The following CAMK1D variants were observed in gnomAD, a reference collection of about 807,000 sequenced individuals.
CAMK1D encodes calcium/calmodulin-dependent protein kinase type 1D.
In CAMK1D, 9 loss-of-function variants were observed where a neutral mutation model predicts 47.7. The observed-to-expected ratio is 0.19, with a 90% CI of 0.11 to 0.33. The LOEUF is 0.33. CAMK1D is among the 10% of genes least tolerant of loss of function. The pLI, the probability that CAMK1D is intolerant of heterozygous loss-of-function variation, is 1.00. For synonymous variants in CAMK1D, 184 were observed against 184.9 expected (o/e 0.99, Z 0.04); for missense variants, 291 against 488.7 (o/e 0.60, Z 3.81).
chr10:12,734,370 A>C lies in CAMK1D; in HGVS notation c.300-26578A>C, dbSNP rs1200020424. 2.9e-3 allele frequency among the ~76,000 whole-genome samples: 68 copies of C among 23,310 alleles called. 4 individuals carry two copies. The highest frequency in any genetic ancestry group is 0.011 in the African/African-American group (64 of 5,952). 15.3% of individuals were successfully genotyped at this position (23,310 alleles called of 152,430 possible). A position where few individuals can be genotyped will look rare whatever the true frequency, so the allele number is the denominator to read the frequency against. On this transcript the variant is annotated intron_variant, in intron 3 of 10. Coordinates refer to ENST00000619168, the MANE Select transcript of CAMK1D (RefSeq NM_153498.4). ...AATATATATATATATATATATATAT[A>C]TATATATAGATATAGATATAGATAT...
At chr10:12,708,020 G>A (rs933519021) in intron 3 of CAMK1D, among the ~76,000 whole-genome samples, 6 of 152,178 alleles carry the variant, frequency 3.9e-5, no homozygotes, top group East Asian at 1.9e-4. Context: ...AAGAGTGACC[G>A]AGGCAGCATT....
rs1371185992 is a variant in CAMK1D, at chr10:12,440,444, C to T, written c.92+90534C>T. On this transcript the variant is annotated intron_variant, in intron 1 of 10. Coordinates refer to ENST00000619168, the MANE Select transcript of CAMK1D (RefSeq NM_153498.4). Reference sequence around the variant, plus strand: ...CTGGGACTACAGGTGGACGCCACCACACCTGGCTAATTTTTGTACTTTTAG... The same window carrying T: ...CTGGGACTACAGGTGGACGCCACCATACCTGGCTAATTTTTGTACTTTTAG... 5.9e-5 allele frequency among the ~76,000 whole-genome samples: 9 copies of T among 152,092 alleles called. 1 individual carries two copies. Among genetic ancestry groups the T allele is most frequent in the African/African-American group, 1.4e-4 (6 of 41,392 alleles).
At chr10:12,510,432 A>G (rs1164919122) in intron 1 of CAMK1D, among the ~76,000 whole-genome samples, 1 of 152,176 alleles carries the variant, frequency 6.6e-6, no homozygotes, top group African/African-American at 2.4e-5. Context: ...AATAATAATA[A>G]AAGAGTGTAG....
chr10:12,790,287 T>C (rs926209177), intron 5 of CAMK1D, among the ~76,000 whole-genome samples: 3 of 152,324 alleles, frequency 2.0e-5, no homozygotes, highest in African/African-American at 7.2e-5. Context: ...GAGAAGGAAT[T>C]AGGGGCAGGC....
chr10:12,620,456 C>G (rs751399109), intron 2 of CAMK1D, among the ~76,000 whole-genome samples: 3 of 152,186 alleles, frequency 2.0e-5, no homozygotes, highest in African/African-American at 7.2e-5. Context: ...GTGATTTTAG[C>G]TATTCTCATA....
At chr10:12,604,956 C>T (rs576116779) in intron 2 of CAMK1D, among the ~76,000 whole-genome samples, 3 of 151,322 alleles carry the variant, frequency 2.0e-5, no homozygotes, top group Non-Finnish European at 4.4e-5. Flanking sequence ...GGCGCAATCT[C>T]AACTCACTGC....
intron 2 of CAMK1D, among the ~76,000 whole-genome samples, chr10:12,639,239 T>C (rs1318558923): frequency 6.6e-6 from 1 of 152,196 alleles, no homozygotes; most frequent in African/African-American, 2.4e-5. Context: ...TAATCCCAGC[T>C]CTTTGGGAGG....
intron 3 of CAMK1D, among the ~76,000 whole-genome samples, chr10:12,693,701 CTG>C (rs1314736088): frequency 6.6e-6 from 1 of 150,796 alleles, no homozygotes; most frequent in Non-Finnish European, 1.5e-5. Context: ...ATACACAAAA[CTG>C]TAATATTTCC....
At chr10:12,527,126 A>G (rs778762921) in intron 1 of CAMK1D, among the ~76,000 whole-genome samples, 4 of 152,064 alleles carry the variant, frequency 2.6e-5, no homozygotes, top group Non-Finnish European at 5.9e-5. Flanking sequence ...TTGGGATTTT[A>G]GGGGCTTATA....
At chr10:12,717,589 G>GT (rs1834197069) in intron 3 of CAMK1D, among the ~76,000 whole-genome samples, 2 of 150,436 alleles carry the variant, frequency 1.3e-5, no homozygotes, top group African/African-American at 2.4e-5. Flanking sequence ...CTCTACAAAA[G>GT]TAAAAAAAAA....
intron 1 of CAMK1D, among the ~76,000 whole-genome samples, chr10:12,461,240 A>C (rs757255963): frequency 6.6e-6 from 1 of 152,184 alleles, no homozygotes; most frequent in Admixed American, 6.5e-5. Flanking sequence ...CTGAGGATAC[A>C]TGTTCCGTGC....
At chr10:12,562,749 T>C (rs1588635505) in intron 2 of CAMK1D, among the ~76,000 whole-genome samples, 1 of 152,322 alleles carries the variant, frequency 6.6e-6, no homozygotes, top group East Asian at 1.9e-4. Flanking sequence ...TTTGCTTCTA[T>C]CATTCCTGAC....
At chr10:12,493,199 G>A (rs911568542) in intron 1 of CAMK1D, among the ~76,000 whole-genome samples, 6 of 152,172 alleles carry the variant, frequency 3.9e-5, no homozygotes, top group African/African-American at 7.2e-5. Flanking sequence ...TTGCTGGTGT[G>A]TCCTATAAGA....
chr10:12,747,134 C>T (rs935784015), intron 3 of CAMK1D, among the ~76,000 whole-genome samples: 2 of 152,118 alleles, frequency 1.3e-5, no homozygotes, highest in African/African-American at 2.4e-5. Context: ...TGGGTTCAAG[C>T]GATTCTCCTG....
At chr10:12,632,504 T>C (rs953158411) in intron 2 of CAMK1D, among the ~76,000 whole-genome samples, 3 of 152,234 alleles carry the variant, frequency 2.0e-5, no homozygotes, top group Non-Finnish European at 4.4e-5. Flanking sequence ...GATGGCAGAA[T>C]ATGACCTTTC....
intron 9 of CAMK1D, 41 bp downstream of exon 9, chr10:12,824,593 C>A: frequency 6.9e-7 from 1 of 1,449,950 alleles, no homozygotes; most frequent in Non-Finnish European, 9.7e-7. Context: ...GATTAACCCC[C>A]TCGTGACACT....
intron 2 of CAMK1D, among the ~76,000 whole-genome samples, chr10:12,608,271 TAGC>T (rs1838521727): frequency 6.6e-6 from 1 of 151,912 alleles, no homozygotes; most frequent in South Asian, 2.1e-4. Context: ...ATACAAAAAT[TAGC>T]AGGCATGGTA....
At chr10:12,351,278 G>A (rs1377517990) in intron 1 of CAMK1D, among the ~76,000 whole-genome samples, 2 of 152,186 alleles carry the variant, frequency 1.3e-5, no homozygotes, top group Non-Finnish European at 2.9e-5. Context: ...TTGTTGGAAT[G>A]AAAACAGAAA....
chr10:12,574,968 A>G (rs1258527292), intron 2 of CAMK1D, among the ~76,000 whole-genome samples: 1 of 151,760 alleles, frequency 6.6e-6, no homozygotes, highest in Non-Finnish European at 1.5e-5. Flanking sequence ...TTCATGAGAA[A>G]CCGCCCTCCA....
Sources: gnomAD v4.1 joint callset for allele counts (sites outside exome capture counted in the v4.1 genomes callset) on GRCh38, gnomAD v4.1.1 for gene constraint, MANE v1.5 for transcripts, NCBI Gene and HGNC (gene_info 2026-07-23, HGNC 2026-07-21) for gene names.